The following WDR7 variants were observed in gnomAD, a reference collection of about 807,000 sequenced individuals.
WDR7 encodes WD repeat domain 7.
A neutral mutation model predicts 169.4 loss-of-function variants in WDR7; 46 were observed. The ratio of observed to expected loss-of-function variants is 0.27; its 90% CI spans 0.21 to 0.35. The LOEUF (loss-of-function observed/expected upper bound fraction) is 0.35, where lower values mean the gene tolerates loss of function less well. Ranked by LOEUF, WDR7 falls within the 10% of genes least tolerant of loss-of-function variation. The pLI, the probability that WDR7 is intolerant of heterozygous loss-of-function variation, is 1.00. For missense variants in WDR7, 1,534 were observed against 1,859.3 expected, an observed-to-expected ratio of 0.83 and a Z score of 3.22; for synonymous variants, 612 against 666.8, an observed-to-expected ratio of 0.92 and a Z score of 1.27.
intron 21 of WDR7, among the ~76,000 whole-genome samples, chr18:56,919,036 G>T (rs1190552088): frequency 6.6e-6 from 1 of 152,202 alleles, no homozygotes; most frequent in Non-Finnish European, 1.5e-5. Context: ...TTCACTGTGT[G>T]TGCAGTATTT....
chr18:56,963,304 C>A (rs78284275), intron 26 of WDR7, among the ~76,000 whole-genome samples: 2,117 of 152,146 alleles, frequency 0.014, 45 homozygotes, highest in African/African-American at 0.046. Flanking sequence ...GTCATAGCTT[C>A]TTATATTTCT....
chr18:56,706,860 G>A (rs1191187174), intron 12 of WDR7, among the ~76,000 whole-genome samples: 1 of 150,734 alleles, frequency 6.6e-6, no homozygotes, highest in Non-Finnish European at 1.5e-5. Flanking sequence ...GCTAATTTTT[G>A]TATTTTTAGT....
intron 26 of WDR7, among the ~76,000 whole-genome samples, chr18:57,007,104 C>T (rs966698453): frequency 6.6e-6 from 1 of 151,448 alleles, no homozygotes; most frequent in Non-Finnish European, 1.5e-5. Context: ...CTCAGCCTCC[C>T]GAGTAGCTGC....
At chr18:56,971,279 C>CT (rs1399242785) in intron 26 of WDR7, among the ~76,000 whole-genome samples, 5 of 145,760 alleles carry the variant, frequency 3.4e-5, no homozygotes, top group Admixed American at 3.4e-4. Context: ...AATTCTGTCT[C>CT]CCAAAAAAAA....
chr18:56,693,573 G>GTTTTTTTTTTTTT (rs1254201598), intron 9 of WDR7, among the ~76,000 whole-genome samples: 14 of 54,444 alleles, frequency 2.6e-4, no homozygotes, highest in South Asian at 1.1e-3. Flanking sequence ...TTTTTTTTTT[G>GTTTTTTTTTTTTT]TTTTTTTTTT....
chr18:56,718,168 A>T lies in WDR7; in HGVS notation c.1774+9A>T, dbSNP rs374111710. On this transcript the variant is annotated intron_variant, in intron 13 of 27. Transcript: ENST00000254442. Reference sequence around the variant, plus strand: ...CTGGCAAATGGATACTGGTAAGAACAAGTATGAAGAGATACTATAGAAAAT... The same window carrying T: ...CTGGCAAATGGATACTGGTAAGAACTAGTATGAAGAGATACTATAGAAAAT... 2 of 1,555,944 alleles carry T rather than the reference A, an allele frequency of 1.3e-6. No individual in the cohort carries two copies. The highest frequency in any genetic ancestry group is 2.7e-5 in the African/African-American group (2 of 72,802).
chr18:57,012,225 A>C (rs189843491), intron 26 of WDR7, among the ~76,000 whole-genome samples: 87 of 152,296 alleles, frequency 5.7e-4, no homozygotes, highest in African/African-American at 1.6e-3. Flanking sequence ...ACAGTGGGCC[A>C]GTGGACCCTG....
chr18:56,870,765 G>T (rs763174856), intron 20 of WDR7, among the ~76,000 whole-genome samples: 4 of 152,164 alleles, frequency 2.6e-5, no homozygotes, highest in Non-Finnish European at 5.9e-5. Context: ...GGAATTAGAG[G>T]TGTGAGCCAC....
intron 19 of WDR7, among the ~76,000 whole-genome samples, chr18:56,803,335 T>C (rs2044710113): frequency 6.6e-6 from 1 of 152,226 alleles, no homozygotes; most frequent in African/African-American, 2.4e-5. Context: ...TATTTTCAAA[T>C]CATTTATTCA....
intron 1 of WDR7, among the ~76,000 whole-genome samples, chr18:56,653,409 G>A (rs2024698780): frequency 6.6e-6 from 1 of 152,114 alleles, no homozygotes; most frequent in African/African-American, 2.4e-5. Flanking sequence ...GTTTCACCAT[G>A]TTGGTCAGGC....
chr18:56,930,157 A>T (rs2046861751), intron 22 of WDR7, among the ~76,000 whole-genome samples: 1 of 152,230 alleles, frequency 6.6e-6, no homozygotes, highest in Non-Finnish European at 1.5e-5. Context: ...ATCACAATTT[A>T]CCAAACATTC....
chr18:56,902,383 A>G (rs570615204), intron 21 of WDR7, among the ~76,000 whole-genome samples: 25 of 152,336 alleles, frequency 1.6e-4, no homozygotes, highest in African/African-American at 5.3e-4. Context: ...ATATAGGGAC[A>G]TGTATATATA....
At chr18:56,983,580 G>C (rs1259295780) in intron 26 of WDR7, among the ~76,000 whole-genome samples, 2 of 147,610 alleles carry the variant, frequency 1.4e-5, no homozygotes, top group Admixed American at 6.7e-5. Context: ...CAGAGAGAGA[G>C]AGAGAGAGAG....
chr18:56,761,814 G>A (rs545123840), intron 16 of WDR7, among the ~76,000 whole-genome samples: 4 of 152,008 alleles, frequency 2.6e-5, no homozygotes, highest in Middle Eastern at 6.8e-3. Flanking sequence ...GTATAGAAAT[G>A]CAGTTGATTT....
intron 1 of WDR7, among the ~76,000 whole-genome samples, chr18:56,670,292 A>G (rs935936464): frequency 3.9e-5 from 6 of 152,060 alleles, no homozygotes; most frequent in Non-Finnish European, 8.8e-5. Context: ...CACTTTTATT[A>G]GGTTTTTAAG....
chr18:56,712,901 T>G (rs1568152560), intron 12 of WDR7, among the ~76,000 whole-genome samples: 1 of 152,202 alleles, frequency 6.6e-6, no homozygotes, highest in African/African-American at 2.4e-5. Flanking sequence ...GAACATTTAC[T>G]AGAAGGAGGG....
chr18:56,968,963 G>C (rs1381523200), intron 26 of WDR7, among the ~76,000 whole-genome samples: 3 of 152,036 alleles, frequency 2.0e-5, no homozygotes, highest in African/African-American at 7.2e-5. Flanking sequence ...ACTTTTTCCT[G>C]ACTTTGGCTG....
chr18:56,892,816 A>G (rs1263576406), intron 21 of WDR7, among the ~76,000 whole-genome samples: 1 of 152,078 alleles, frequency 6.6e-6, no homozygotes, highest in African/African-American at 2.4e-5. Flanking sequence ...TCAGTAGTTA[A>G]ATATAACATC....
At chr18:56,885,753 G>A (rs1431315493) in intron 21 of WDR7, among the ~76,000 whole-genome samples, 4 of 151,700 alleles carry the variant, frequency 2.6e-5, no homozygotes, top group Non-Finnish European at 5.9e-5. Flanking sequence ...CATGAACCCA[G>A]GAGGCGGAGT....
Sources: gnomAD v4.1 joint callset for allele counts (sites outside exome capture counted in the v4.1 genomes callset) on GRCh38, gnomAD v4.1.1 for gene constraint, MANE v1.5 for transcripts, NCBI Gene and HGNC (gene_info 2026-07-23, HGNC 2026-07-21) for gene names.